DNAH12: variants seen among roughly 807,000 people sequenced by gnomAD.
DNAH12 encodes dynein axonemal heavy chain 12.
A neutral mutation model predicts 371.5 loss-of-function variants in DNAH12; 285 were observed. The ratio of observed to expected loss-of-function variants is 0.77; its 90% CI spans 0.70 to 0.85. The LOEUF (loss-of-function observed/expected upper bound fraction) is 0.85. Among genes scored for constraint, DNAH12 ranks in the 40% least tolerant of loss-of-function variants. DNAH12 has a pLI of 0.00. For missense variants in DNAH12, 3,611 were observed against 3,689.4 expected (o/e 0.98, Z 0.55); for synonymous variants, 1,200 against 1,213.0 (o/e 0.99, Z 0.22).
At chr3:57,520,876 C>T (rs1312778270) in intron 4 of DNAH12, among the ~76,000 whole-genome samples, 1 of 151,380 alleles carries the variant, frequency 6.6e-6, no homozygotes, top group Non-Finnish European at 1.5e-5. Flanking sequence ...GTTTTTTCAT[C>T]CTCTTAACAG....
chr3:57,517,394 GAATA>G (rs2068238479), intron 4 of DNAH12, among the ~76,000 whole-genome samples: 1 of 151,896 alleles, frequency 6.6e-6, no homozygotes, highest in Non-Finnish European at 1.5e-5. Context: ...AGAATCTCAT[GAATA>G]AATAAATTAT....
At chr3:57,483,795 T>C (rs80122975) in intron 12 of DNAH12, among the ~76,000 whole-genome samples, 2 of 143,872 alleles carry the variant, frequency 1.4e-5, no homozygotes, top group South Asian at 2.3e-4. Context: ...AAAAAAAAAA[T>C]ACAAAAATTA....
chr3:57,411,682 C>A (rs978826920), intron 39 of DNAH12, among the ~76,000 whole-genome samples: 2 of 151,484 alleles, frequency 1.3e-5, no homozygotes, highest in Non-Finnish European at 2.9e-5. Flanking sequence ...AGAACTAAAT[C>A]GAAGTACTAA....
At chr3:57,428,172 GCCCA>G in intron 34 of DNAH12, among the ~76,000 whole-genome samples, 1 of 152,012 alleles carries the variant, frequency 6.6e-6, no homozygotes, top group Non-Finnish European at 1.5e-5. Flanking sequence ...CAAGTGATCC[GCCCA>G]CCTCAGCTTC....
rs1375687014 is a variant in DNAH12 at position 57,368,037 on chromosome 3, G to A, written c.8974+9C>T. 1 of 152,174 alleles carries A rather than the reference G, an allele frequency of 6.6e-6. No individual in the cohort carries two copies. The highest frequency in any genetic ancestry group is 6.5e-5 in the Admixed American group (1 of 15,270). 9.4% of individuals were successfully genotyped at this position (152,174 alleles called of 1,614,324 possible). On this transcript the variant is annotated intron_variant, in intron 56 of 73. Transcript: ENST00000495027. The stretch of plus-strand genomic sequence containing the variant: ...TCAGTTCTACAGATTAATAGTAATT[G>A]CTTTATACCTTGTTTAAAAGTTTGT...
chr3:57,487,561 T>C (rs2066976333), intron 12 of DNAH12, among the ~76,000 whole-genome samples: 2 of 152,034 alleles, frequency 1.3e-5, no homozygotes, highest in African/African-American at 2.4e-5. Flanking sequence ...AACAAAATGA[T>C]GAGAGCAAGA....
intron 60 of DNAH12, among the ~76,000 whole-genome samples, chr3:57,340,345 A>C (rs1432035660): frequency 1.3e-5 from 2 of 152,140 alleles, no homozygotes; most frequent in African/African-American, 4.8e-5. Context: ...TTGAGACTAA[A>C]AAAATAGAAA....
chr3:57,502,512 AATAAAT>A, intron 9 of DNAH12, 33 bp from the exon 10 acceptor site: 1 of 1,585,648 alleles, frequency 6.3e-7, no homozygotes, highest in Non-Finnish European at 8.6e-7. Context: ...CAATGTATAC[AATAAAT>A]ATCTAACTGT....
intron 39 of DNAH12, among the ~76,000 whole-genome samples, chr3:57,412,809 G>T (rs1553683434): frequency 6.6e-6 from 1 of 152,192 alleles, no homozygotes. Context: ...AAGACGTGGA[G>T]CAACACTAAC....
chr3:57,341,787 G>A (rs534221523), intron 60 of DNAH12, among the ~76,000 whole-genome samples: 73 of 151,494 alleles, frequency 4.8e-4, no homozygotes, highest in East Asian at 1.5e-3. Flanking sequence ...ATGGAACCAC[G>A]AAAGACCGCA....
At chr3:57,351,067 G>C (rs2062660838) in intron 60 of DNAH12, among the ~76,000 whole-genome samples, 2 of 151,854 alleles carry the variant, frequency 1.3e-5, no homozygotes, top group African/African-American at 4.8e-5. Context: ...TCAGGAGTTT[G>C]AGACCAGCCT....
In DNAH12 at chr3:57,388,854, T is replaced by C. The variant is rs944110331; in HGVS notation, c.7306-1635A>G. On this transcript the variant is annotated intron_variant, in intron 45 of 73. Transcript: ENST00000495027. ...TTACTCATAGGTGGGAATTGAACAA[T>C]GAGAACACTTGGACACAGGGTGGGG... 2.3e-5 allele frequency among the ~76,000 whole-genome samples: 3 copies of C among 133,316 alleles called. No individual in the cohort carries two copies. The Admixed American group carries it at 2.8e-4, about 12-fold the overall frequency. The allele number at this position is 133,316 out of a possible 152,430, so 87.5% of individuals were successfully genotyped here.
At position 57,489,543 on chromosome 3, in the gene DNAH12, C is replaced by T. The variant is rs926116798; in HGVS notation, c.1480G>A (p.Asp494Asn). 8.5e-6 allele frequency: 13 copies of T among 1,520,524 alleles called. No homozygotes were observed. The highest frequency in any genetic ancestry group is 1.1e-5 in the Non-Finnish European group (13 of 1,138,520). 94.2% of individuals were successfully genotyped at this position (1,520,524 alleles called of 1,614,324 possible). ...TCTTTTCTATATTTTGAAGCTATGT[C>T]ATTTAATAATATGTTTGCAAAGGCT... is the stretch of plus-strand genomic sequence containing the variant. The part of the protein sequence containing the change: ...AKAFANILLN[D>N]IASKYRKENE... The change falls in exon 12 of 74, where the codon GAC (aspartate) becomes AAC (asparagine). Residue 494 changes from aspartate to asparagine, a missense_variant. Around this residue, in one of 3 missense-constraint regions of DNAH12, gnomAD observed 1,314 missense variants for 1,398.7 expected, o/e 0.94. Coordinates refer to ENST00000495027, the MANE Select transcript of DNAH12 (RefSeq NM_001366028.2).
intron 11 of DNAH12, among the ~76,000 whole-genome samples, chr3:57,492,045 C>A (rs868091623): frequency 1.3e-5 from 2 of 151,920 alleles, no homozygotes; most frequent in African/African-American, 4.8e-5. Context: ...GCCTTTAATC[C>A]TTGCTACTTA....
intron 25 of DNAH12, among the ~76,000 whole-genome samples, chr3:57,450,746 G>T (rs762686094): frequency 1.3e-5 from 2 of 152,142 alleles, no homozygotes; most frequent in African/African-American, 4.8e-5. Flanking sequence ...CATAGTTCTT[G>T]CCCACAGGCA....
Position 57,329,183 on chromosome 3 carries a change from C to A in DNAH12, c.9978+5282G>T, listed in dbSNP as rs1191965650. Among the ~76,000 whole-genome samples, 43 of 144,598 alleles carry A rather than the reference C, an allele frequency of 3.0e-4. 1 individual carries two copies. Among genetic ancestry groups the A allele is most frequent in the African/African-American group, 7.3e-4 (26 of 35,522 alleles). 94.9% of individuals were successfully genotyped at this position (144,598 alleles called of 152,430 possible). On this transcript the variant is annotated intron_variant, in intron 62 of 73. Transcript: ENST00000495027. ...TGCCATCCCCATCAAGCTACCAATG[C>A]CTTTCTTCACAGAATTGGGAAAAAC...
At chr3:57,519,004 T>C (rs1022826182) in intron 4 of DNAH12, among the ~76,000 whole-genome samples, 7 of 152,110 alleles carry the variant, frequency 4.6e-5, no homozygotes, top group Admixed American at 2.6e-4. Flanking sequence ...ACCAGATGAA[T>C]AAACATAAAG....
intron 70 of DNAH12, among the ~76,000 whole-genome samples, chr3:57,299,857 C>T (rs1040573704): frequency 3.9e-5 from 6 of 152,080 alleles, no homozygotes; most frequent in Admixed American, 3.3e-4. Flanking sequence ...TTATAGCAGC[C>T]TGAACTGACT....
At chr3:57,307,416 G>A (rs546249925) in intron 69 of DNAH12, among the ~76,000 whole-genome samples, 61 of 152,076 alleles carry the variant, frequency 4.0e-4, no homozygotes, top group Middle Eastern at 6.8e-3. Flanking sequence ...GCCCAAATAC[G>A]GGGCTGTGCA....
Sources: allele counts gnomAD v4.1 joint callset (sites outside exome capture counted in the v4.1 genomes callset), GRCh38; gene constraint gnomAD v4.1.1; regional missense constraint gnomAD v4.1.1; transcripts MANE v1.5; gene names NCBI Gene and HGNC (gene_info 2026-07-23, HGNC 2026-07-21).